ALDH3B1: variants seen among roughly 807,000 people sequenced by gnomAD.
ALDH3B1 encodes aldehyde dehydrogenase 3 family member B1, also known as aldehyde dehydrogenase family 3 member B1.
Under a neutral mutation model 46.2 loss-of-function variants are expected in ALDH3B1, and 37 were observed. The observed-to-expected ratio is 0.80, with a 90% CI of 0.62 to 1.05. The LOEUF is 1.05. Among genes scored for constraint, ALDH3B1 ranks in the 50% least tolerant of loss-of-function variants. ALDH3B1 has a pLI of 0.00. For missense variants in ALDH3B1, 603 were observed against 665.5 expected (o/e 0.91, Z 1.03); for synonymous variants, 283 against 281.0 (o/e 1.01, Z -0.07).
In ALDH3B1 at chr11:68,021,525, C is replaced by G. The variant is rs754371826; in HGVS notation, c.603C>G (p.Ala201=). 4 of 1,613,780 alleles carry G rather than the reference C, an allele frequency of 2.5e-6. No individual in the cohort carries two copies. In the Admixed American group the frequency reaches 6.7e-5, roughly 27 times the overall value. ...RVGKIVMTAA[A]KHLTPVTLEL... ...GCAAGATTGTTATGACTGCTGCCGC[C>G]AAGCACCTGACACCTGTCACCCTGG... The change falls in exon 7 of 10, where the codon GCC becomes GCG. Residue 201 remains alanine, a synonymous_variant. Coordinates refer to ENST00000342456, the MANE Select transcript of ALDH3B1 (RefSeq NM_000694.4).
intron 2 of ALDH3B1, chr11:68,018,271 T>C: frequency 1.9e-6 from 1 of 516,516 alleles, no homozygotes; most frequent in Non-Finnish European, 3.5e-6. Flanking sequence ...AGCCACGTCC[T>C]AATGGAGCCG....
rs774874957 is a variant in ALDH3B1 at position 68,018,861 on chromosome 11, C to T, written c.362C>T (p.Thr121Met). The T allele has an allele frequency of 7.4e-5, 115 of 1,562,314 alleles. No individual in the cohort carries two copies. The highest frequency in any genetic ancestry group is 1.2e-4 in the African/African-American group (9 of 73,422). ...IAPWNYPLNL[T>M]LVPLVGALAA... ...CCCTGGAACTATCCGCTGAACCTGA[C>T]GCTGGTGCCCCTCGTGGGAGCCCTC... Residue 121 changes from threonine to methionine, a missense_variant, in exon 4 of 10, where the codon ACG (threonine) becomes ATG (methionine). By Grantham distance (81) the Thr-to-Met change is moderately conservative. Coordinates refer to ENST00000342456, the MANE Select transcript of ALDH3B1 (RefSeq NM_000694.4).
intron 2 of ALDH3B1, chr11:68,016,466 G>C (rs1388386797): frequency 1.3e-5 from 2 of 152,504 alleles, no homozygotes; most frequent in East Asian, 3.8e-4. Flanking sequence ...GGGTACAGCA[G>C]GCATCATGGC....
chr11:68,022,693 G>A lies in ALDH3B1; in HGVS notation c.1048G>A (p.Glu350Lys), dbSNP rs201762372. The A allele has an allele frequency of 3.2e-5, 51 of 1,614,152 alleles. No homozygotes were observed. The highest frequency in any genetic ancestry group is 4.1e-5 in the Non-Finnish European group (48 of 1,180,022). ...LPIVNVQSLD[E>K]AIEFINRREK... is the part of the protein sequence containing the mutation. The stretch of plus-strand genomic sequence containing the variant: ...CATCGTGAACGTGCAGAGCTTGGAC[G>A]AGGCCATCGAGTTCATCAACCGGCG... The change falls in exon 8 of 10, where the codon GAG (glutamate) becomes AAG (lysine). Residue 350 changes from glutamate to lysine, a missense_variant. Glu to Lys is a moderately conservative substitution (Grantham distance 56). Transcript: ENST00000342456.
At chr11:68,018,946 G>T in intron 4 of ALDH3B1, 53 bp downstream of exon 4, 1 of 1,525,684 alleles carries the variant, frequency 6.6e-7, no homozygotes. Flanking sequence ...GAGGCCTCAG[G>T]GCCACCCATG....
At position 68,028,756 on chromosome 11, in the gene ALDH3B1, T is replaced by C. The variant is rs1010268134; in HGVS notation, c.*817T>C. ...TTGAGGGATTGAGGGATTGCTGAGC[T>C]GGAGCTCCAGGTGTCCTATCTTTCT... is the stretch of plus-strand genomic sequence containing the variant. On this transcript the variant is annotated 3_prime_UTR_variant, in exon 10 of 10. Coordinates refer to ENST00000342456, the MANE Select transcript of ALDH3B1 (RefSeq NM_000694.4). 6 of 151,756 alleles carry C rather than the reference T, an allele frequency of 4.0e-5. No homozygotes were observed. Among genetic ancestry groups the C allele is most frequent in the Admixed American group, 1.3e-4 (2 of 15,218 alleles). The allele number at this position is 151,756 out of a possible 1,614,324, so 9.4% of individuals were successfully genotyped here. A position where few individuals can be genotyped will look rare whatever the true frequency, so the allele number is the denominator to read the frequency against.
chr11:68,014,465 G>A (rs546095923), intron 1 of ALDH3B1, among the ~76,000 whole-genome samples: 39 of 152,346 alleles, frequency 2.6e-4, no homozygotes, highest in Middle Eastern at 3.4e-3. Flanking sequence ...GTGCTCCTCC[G>A]ATGAACTTCA....
intron 5 of ALDH3B1, among the ~76,000 whole-genome samples, chr11:68,019,490 A>G (rs1432444584): frequency 6.6e-6 from 1 of 152,228 alleles, no homozygotes; most frequent in African/African-American, 2.4e-5. Context: ...TGGCCCTGGC[A>G]TCAGCCCCTC....
Position 68,019,134 on chromosome 11 carries a change from C to T in ALDH3B1, c.395-36C>T, listed in dbSNP as rs368426814. 2.2e-4 allele frequency: 355 copies of T among 1,581,468 alleles called. 1 individual carries two copies. In the African/African-American group the frequency reaches 3.5e-3, roughly 16 times the overall value. ...GTGTGTGGAGACCAGGAGCTGGCTA[C>T]GCCTCCTCCAGCTCTCTCCCTGCAC... On this transcript the variant is annotated intron_variant, in intron 4 of 9. Coordinates refer to ENST00000342456, the MANE Select transcript of ALDH3B1 (RefSeq NM_000694.4).
intron 9 of ALDH3B1, 33 bp from the exon 10 acceptor site, chr11:68,027,716 G>A (rs754561141): frequency 9.7e-6 from 15 of 1,548,374 alleles, no homozygotes; most frequent in South Asian, 2.4e-5. Flanking sequence ...GACCCCCAGC[G>A]CCTGACCACC....
chr11:68,022,276 G>A (rs1406240993), intron 7 of ALDH3B1, among the ~76,000 whole-genome samples: 1 of 152,178 alleles, frequency 6.6e-6, no homozygotes, highest in Non-Finnish European at 1.5e-5. Flanking sequence ...GGGACACTGC[G>A]GCGCCAACAT....
chr11:68,022,407 A>G lies in ALDH3B1; in HGVS notation c.950-188A>G, dbSNP rs1857521351. On this transcript the variant is annotated intron_variant, in intron 7 of 9. Transcript: ENST00000342456. ...GCCCTGAGCAGGCTGGGGAAGCTCTAGAGTCCCTTCTGGGGGGCTGTGGGG... is the reference window on the plus strand; with the variant it reads ...GCCCTGAGCAGGCTGGGGAAGCTCTGGAGTCCCTTCTGGGGGGCTGTGGGG... Among the ~76,000 whole-genome samples, 3 of 152,162 alleles carry G rather than the reference A, an allele frequency of 2.0e-5. No individual in the cohort carries two copies. In the South Asian group the frequency reaches 6.2e-4, roughly 32 times the overall value.
chr11:68,021,681 C>T lies in ALDH3B1; in HGVS notation c.759C>T (p.Ser253=), dbSNP rs1042373041. The T allele has an allele frequency of 2.5e-6, 4 of 1,613,916 alleles. No homozygotes were observed. The African/African-American group carries it at 4.0e-5, about 16-fold the overall frequency. Residue 253 remains serine (S), a synonymous_variant, in exon 7 of 10, where the codon AGC becomes AGT. Coordinates refer to ENST00000342456, the MANE Select transcript of ALDH3B1 (RefSeq NM_000694.4). The part of the protein sequence containing the change: ...TCVAPDYVLC[S]PEMQERLLPA... ...TGGCCCCCGACTACGTCCTATGCAG[C>T]CCTGAGATGCAGGAGAGGCTGCTGC...
chr11:68,025,929 T>G, intron 8 of ALDH3B1, 80 bp from the exon 9 acceptor site: 1 of 1,033,444 alleles, frequency 9.7e-7, no homozygotes, highest in African/African-American at 1.6e-5. Context: ...TGTCACAGAG[T>G]CCAGCATGGA....
At chr11:68,014,966 T>C (rs951605678) in intron 1 of ALDH3B1, 1 of 289,504 alleles carries the variant, frequency 3.5e-6, no homozygotes, top group Admixed American at 5.0e-5. Context: ...GCGCTCTGCC[T>C]GCCTGCTCAC....
rs1356471869 is a variant in ALDH3B1 at position 68,018,680 on chromosome 11, T to C, written c.273+43T>C. 2.6e-6 allele frequency: 4 copies of C among 1,550,554 alleles called. No individual in the cohort carries two copies. The South Asian group carries it at 3.6e-5, about 14-fold the overall frequency. Reference sequence around the variant, plus strand: ...AGGCGGGCAGGGGGCTCAGGGGATATTTGCTCCCACAGGGTGGCCCCTCTG... The same window carrying C: ...AGGCGGGCAGGGGGCTCAGGGGATACTTGCTCCCACAGGGTGGCCCCTCTG... On this transcript the variant is annotated intron_variant, in intron 3 of 9. Coordinates refer to ENST00000342456, the MANE Select transcript of ALDH3B1 (RefSeq NM_000694.4).
chr11:68,010,971 G>A (rs1857217091), intron 1 of ALDH3B1, among the ~76,000 whole-genome samples: 1 of 152,242 alleles, frequency 6.6e-6, no homozygotes, highest in African/African-American at 2.4e-5. Context: ...AGGGAGCCGA[G>A]GCTGTTCAGC....
At chr11:68,009,193 C>T (rs114444933), upstream of ALDH3B1, among the ~76,000 whole-genome samples, 222 of 152,324 alleles carry the variant, frequency 1.5e-3, 1 homozygote, top group African/African-American at 4.8e-3. Context: ...CCCACTTCCT[C>T]GTTTGTAAAA....
intron 1 of ALDH3B1, among the ~76,000 whole-genome samples, chr11:68,010,610 C>T (rs899033716): frequency 6.6e-6 from 1 of 152,080 alleles, no homozygotes; most frequent in South Asian, 2.1e-4. Flanking sequence ...GTCCCGGGCA[C>T]CCCCCTGGCC....
Sources: gnomAD v4.1 joint callset for allele counts (sites outside exome capture counted in the v4.1 genomes callset) on GRCh38, gnomAD v4.1.1 for gene constraint, MANE v1.5 for transcripts, NCBI Gene and HGNC (gene_info 2026-07-23, HGNC 2026-07-21) for gene names.